PGM3: variants seen among roughly 807,000 people sequenced by gnomAD.
PGM3 encodes the protein phosphoacetylglucosamine mutase.
Under a neutral mutation model 66.2 loss-of-function variants are expected in PGM3, and 40 were observed. The ratio of observed to expected loss-of-function variants is 0.60; its 90% CI spans 0.47 to 0.79. The LOEUF is 0.79. Ranked by LOEUF, PGM3 falls within the 30% of genes least tolerant of loss-of-function variation. The pLI, the probability that PGM3 is intolerant of heterozygous loss-of-function variation, is 0.00. For synonymous variants in PGM3, 191 were observed against 224.2 expected (o/e 0.85, Z 1.32); for missense variants, 537 against 643.4 (o/e 0.83, Z 1.79).
Position 83,167,206 on chromosome 6 carries a change from G to C in PGM3, c.*2028C>G. On this transcript the variant is annotated 3_prime_UTR_variant, in exon 13 of 13. Transcript: ENST00000513973. Reference sequence around the variant, plus strand: ...GAACCTTTGTATATCCTGCCCAAGGGTGCCGTAAGTATGGCAGAGCCAGCA... The same window carrying C: ...GAACCTTTGTATATCCTGCCCAAGGCTGCCGTAAGTATGGCAGAGCCAGCA... 3.3e-6 allele frequency: 3 copies of C among 902,700 alleles called. No individual in the cohort carries two copies. The highest frequency in any genetic ancestry group is 4.0e-6 in the Non-Finnish European group (3 of 754,370). The allele number at this position is 902,700 out of a possible 1,614,324, so 55.9% of individuals were successfully genotyped here.
Position 83,168,749 on chromosome 6 carries a change from T to G in PGM3, c.*485A>C. On this transcript the variant is annotated 3_prime_UTR_variant, in exon 13 of 13. Transcript: ENST00000513973. ...ACCTCTGAGTTCCTGATGGCATTAGTCATATAGGTAAGTCATCTAATAATC... is the reference window on the plus strand; with the variant it reads ...ACCTCTGAGTTCCTGATGGCATTAGGCATATAGGTAAGTCATCTAATAATC... The G allele has an allele frequency of 8.0e-6, 8 of 999,938 alleles. No individual in the cohort carries two copies. The highest frequency in any genetic ancestry group is 9.5e-6 in the Non-Finnish European group (8 of 838,066). The allele number at this position is 999,938 out of a possible 1,614,324, so 61.9% of individuals were successfully genotyped here.
the PGM3 span, among the ~76,000 whole-genome samples, chr6:83,155,083 T>G: frequency 6.6e-6 from 1 of 152,146 alleles, no homozygotes; most frequent in South Asian, 2.1e-4. Context: ...AAATAACAGC[T>G]AAATAGCTCA....
Position 83,190,970 on chromosome 6 carries a change from T to C in PGM3, c.43A>G (p.Lys15Glu). The C allele has an allele frequency of 6.2e-7, 1 of 1,614,196 alleles. No individual in the cohort carries two copies. Among genetic ancestry groups the C allele is most frequent in the East Asian group, 2.2e-5 (1 of 44,888 alleles). ...AITKYSALHA[K>E]PNGLILQYGT... ...TATTGAAGGATCAGTCCATTGGGCT[T>C]GGCGTGTAATGCTGAGTATTTTGTA... The change falls in exon 2 of 13, where the codon AAG becomes GAG. Residue 15 changes from lysine (K) to glutamate (E), a missense_variant. Lys to Glu is a moderately conservative substitution (Grantham distance 56). Coordinates refer to ENST00000513973, the MANE Select transcript of PGM3 (RefSeq NM_015599.3).
downstream of PGM3, chr6:83,157,385 C>A (rs1783018689): frequency 2.0e-6 from 3 of 1,507,810 alleles, no homozygotes; most frequent in Non-Finnish European, 2.8e-6. Flanking sequence ...TTTCCATGTG[C>A]TTACTAGATA....
the PGM3 span, chr6:83,154,281 C>T: frequency 6.4e-7 from 1 of 1,558,660 alleles, no homozygotes; most frequent in Non-Finnish European, 8.8e-7. Flanking sequence ...CTTTCCTGTA[C>T]ATGGTTCCTT....
At position 83,168,977 on chromosome 6, in the gene PGM3, G is replaced by C; in HGVS notation, c.*257C>G. On this transcript the variant is annotated 3_prime_UTR_variant, in exon 13 of 13. Coordinates refer to ENST00000513973, the MANE Select transcript of PGM3 (RefSeq NM_015599.3). ...CCCCACATAAAACTGTACAGTTAGT[G>C]ACTGAATTGTATACTTAAGTCCCAG... 8.1e-7 allele frequency: 1 copy of C among 1,239,814 alleles called. No homozygotes were observed. The allele number at this position is 1,239,814 out of a possible 1,614,324, so 76.8% of individuals were successfully genotyped here. A position where few individuals can be genotyped will look rare whatever the true frequency, so the allele number is the denominator to read the frequency against.
At chr6:83,158,204 T>C (rs2128391355), downstream of PGM3, among the ~76,000 whole-genome samples, 1 of 152,266 alleles carries the variant, frequency 6.6e-6, no homozygotes, top group Middle Eastern at 3.4e-3. Context: ...GGTTTCAGCA[T>C]GTTAGCCAGG....
chr6:83,175,176 CAG>C (rs1480065010), intron 9 of PGM3, among the ~76,000 whole-genome samples: 1 of 152,190 alleles, frequency 6.6e-6, no homozygotes, highest in Non-Finnish European at 1.5e-5. Flanking sequence ...CACAACCACA[CAG>C]ATTCATTTAA....
At chr6:83,155,960 C>T in the PGM3 span, 33 of 1,611,354 alleles carry the variant, frequency 2.0e-5, no homozygotes, top group Non-Finnish European at 2.7e-5. Flanking sequence ...GCTCGTGTAG[C>T]AGTGGCTCAA....
At chr6:83,158,703 A>G, downstream of PGM3, 1 of 946,798 alleles carries the variant, frequency 1.1e-6, no homozygotes, top group Non-Finnish European at 1.6e-6. Context: ...ATCTAGGAGA[A>G]TATAGTCTTT....
the PGM3 span, chr6:83,154,195 G>A: frequency 1.9e-6 from 3 of 1,613,738 alleles, no homozygotes; most frequent in Non-Finnish European, 2.5e-6. Context: ...GAGCAATTAT[G>A]GACAATCTGA....
At chr6:83,189,240 A>G (rs1052786474) in intron 2 of PGM3, among the ~76,000 whole-genome samples, 2 of 152,206 alleles carry the variant, frequency 1.3e-5, no homozygotes, top group African/African-American at 4.8e-5. Context: ...AAGGGCACAC[A>G]GAGATCCTTC....
At chr6:83,153,158 T>G in the PGM3 span, among the ~76,000 whole-genome samples, 3 of 152,200 alleles carry the variant, frequency 2.0e-5, no homozygotes, top group Admixed American at 6.5e-5. Context: ...TTGTTTGTTT[T>G]TTTTTCCTAA....
At chr6:83,153,154 GT>G in the PGM3 span, among the ~76,000 whole-genome samples, 52,436 of 151,026 alleles carry the variant, frequency 0.35, 10,508 homozygotes, top group African/African-American at 0.56. Flanking sequence ...TCAATTGTTT[GT>G]TTTTTTTTCC....
At chr6:83,156,003 T>C in the PGM3 span, 1 of 1,614,134 alleles carries the variant, frequency 6.2e-7, no homozygotes, top group Non-Finnish European at 8.5e-7. Context: ...CAAACCGTGA[T>C]GTGGAGCTAG....
chr6:83,162,045 T>G (rs1411097606), downstream of PGM3, among the ~76,000 whole-genome samples: 1 of 152,094 alleles, frequency 6.6e-6, no homozygotes, highest in East Asian at 1.9e-4. Context: ...AAAATATATA[T>G]CCTACATGTA....
intron 10 of PGM3, among the ~76,000 whole-genome samples, chr6:83,173,110 A>G (rs1460396692): frequency 2.6e-5 from 4 of 152,236 alleles, no homozygotes; most frequent in Non-Finnish European, 4.4e-5. Context: ...TATATATGCA[A>G]ATATCCCAAA....
chr6:83,160,415 T>C (rs1388501419), downstream of PGM3, among the ~76,000 whole-genome samples: 1 of 152,238 alleles, frequency 6.6e-6, no homozygotes, highest in Non-Finnish European at 1.5e-5. Context: ...GAGAGATTGG[T>C]ATTGCTGGAG....
intron 3 of PGM3, among the ~76,000 whole-genome samples, chr6:83,187,696 C>T (rs1000967691): frequency 1.3e-5 from 2 of 152,014 alleles, no homozygotes; most frequent in Non-Finnish European, 1.5e-5. Flanking sequence ...CCCAGCTACT[C>T]GGGAGGCTGA....
Sources: allele counts gnomAD v4.1 joint callset (sites outside exome capture counted in the v4.1 genomes callset), GRCh38; gene constraint gnomAD v4.1.1; transcripts MANE v1.5; gene names NCBI Gene and HGNC (gene_info 2026-07-23, HGNC 2026-07-21).